The following PARD3B variants were observed in gnomAD, a reference collection of about 807,000 sequenced individuals.
The protein encoded by PARD3B is par-3 family cell polarity regulator beta.
A neutral mutation model predicts 130.2 loss-of-function variants in PARD3B; 103 were observed. The observed-to-expected ratio is 0.79, with a 90% CI of 0.67 to 0.93. The LOEUF (loss-of-function observed/expected upper bound fraction) is 0.93. PARD3B is among the 40% of genes least tolerant of loss of function. The pLI is 0.00. For missense variants in PARD3B, 1,609 were observed against 1,499.2 expected, an observed-to-expected ratio of 1.07 and a Z score of -1.21; for synonymous variants, 583 against 553.2, an observed-to-expected ratio of 1.05 and a Z score of -0.76.
intron 18 of PARD3B, among the ~76,000 whole-genome samples, chr2:205,346,364 C>A (rs1574765045): frequency 6.6e-6 from 1 of 152,058 alleles, no homozygotes; most frequent in Non-Finnish European, 1.5e-5. Flanking sequence ...ACCTTGCCTC[C>A]TTGCCTCCCC....
At chr2:205,368,686 T>C (rs1009328235) in intron 18 of PARD3B, among the ~76,000 whole-genome samples, 3 of 152,090 alleles carry the variant, frequency 2.0e-5, no homozygotes, top group African/African-American at 7.2e-5. Context: ...CAATCCCCTA[T>C]TGGCAGGTAC....
At chr2:204,828,995 C>T (rs1242107980) in intron 2 of PARD3B, among the ~76,000 whole-genome samples, 1 of 152,172 alleles carries the variant, frequency 6.6e-6, no homozygotes, top group Non-Finnish European at 1.5e-5. Flanking sequence ...CTTCAAGGTC[C>T]ATGGTCACCT....
At chr2:205,370,044 C>T (rs1174240399) in intron 18 of PARD3B, among the ~76,000 whole-genome samples, 1 of 152,188 alleles carries the variant, frequency 6.6e-6, no homozygotes, top group Admixed American at 6.5e-5. Flanking sequence ...CTTTTCCTCA[C>T]TTCCCCAAGG....
intron 10 of PARD3B, among the ~76,000 whole-genome samples, chr2:205,156,784 T>C (rs1446128603): frequency 6.6e-6 from 1 of 152,192 alleles, no homozygotes. Flanking sequence ...AGTATATTGT[T>C]TCTGTTGTAT....
At chr2:205,306,048 C>T (rs971153201) in intron 18 of PARD3B, among the ~76,000 whole-genome samples, 2 of 152,102 alleles carry the variant, frequency 1.3e-5, no homozygotes, top group Admixed American at 1.3e-4. Context: ...CACAAGGAGC[C>T]TTAAAGTAAA....
At chr2:204,739,952 A>G (rs1333943942) in intron 2 of PARD3B, among the ~76,000 whole-genome samples, 2 of 149,504 alleles carry the variant, frequency 1.3e-5, no homozygotes, top group Admixed American at 6.6e-5. Flanking sequence ...TTTTTTTTGT[A>G]TTAGTTTCAA....
In PARD3B at chr2:205,206,131, G is replaced by A. The variant is rs961448693; in HGVS notation, c.2140+12811G>A. Among the ~76,000 whole-genome samples, 7 of 150,040 alleles carry A rather than the reference G, an allele frequency of 4.7e-5. No individual in the cohort carries two copies. In the East Asian group the frequency reaches 1.2e-3, roughly 25 times the overall value. On this transcript the variant is annotated intron_variant, in intron 15 of 22. Coordinates refer to ENST00000406610, the MANE Select transcript of PARD3B (RefSeq NM_001302769.2). ...TTACTGCCTCAATTTCATAAAGACA[G>A]ATATGAACTTTTTCTTATCACTTGC...
intron 3 of PARD3B, among the ~76,000 whole-genome samples, chr2:204,988,342 G>C (rs1290070429): frequency 6.6e-6 from 1 of 152,194 alleles, no homozygotes. Flanking sequence ...CAGAGGCTGA[G>C]AAGGTAGTGG....
intron 10 of PARD3B, among the ~76,000 whole-genome samples, chr2:205,134,085 G>T (rs1056357467): frequency 6.6e-6 from 1 of 151,930 alleles, no homozygotes; most frequent in Admixed American, 6.6e-5. Flanking sequence ...ACTATGGTTG[G>T]ACTCAAGTTA....
chr2:204,831,414 A>G (rs1481662029), intron 2 of PARD3B, among the ~76,000 whole-genome samples: 2 of 152,246 alleles, frequency 1.3e-5, no homozygotes, highest in Non-Finnish European at 2.9e-5. Flanking sequence ...ACATGTCTTA[A>G]TTAGAAGCCA....
intron 1 of PARD3B, among the ~76,000 whole-genome samples, chr2:204,659,448 G>A (rs1014791527): frequency 6.6e-6 from 1 of 152,150 alleles, no homozygotes; most frequent in Non-Finnish European, 1.5e-5. Flanking sequence ...CCTGAATGAG[G>A]TGGGCTGAAT....
At chr2:204,826,135 T>C (rs1490112318) in intron 2 of PARD3B, among the ~76,000 whole-genome samples, 1 of 152,214 alleles carries the variant, frequency 6.6e-6, no homozygotes, top group Non-Finnish European at 1.5e-5. Flanking sequence ...AAATTACCTT[T>C]ACAGTCTTAT....
At chr2:205,614,620 C>T (rs960120014) in intron 22 of PARD3B, among the ~76,000 whole-genome samples, 1 of 151,652 alleles carries the variant, frequency 6.6e-6, no homozygotes, top group Non-Finnish European at 1.5e-5. Flanking sequence ...GTGGGAGAAT[C>T]GCTTGAACCC....
In PARD3B at chr2:205,615,557, C is replaced by T; in HGVS notation, c.3362C>T (p.Pro1121Leu). Reference sequence around the variant, plus strand: ...TATCCAGGGGCTCATCCTATGCACCCTCCCAAAGGGAGCTATCCCCGCCCC... The same window carrying T: ...TATCCAGGGGCTCATCCTATGCACCTTCCCAAAGGGAGCTATCCCCGCCCC... ...PYYPGAHPMH[P>L]PKGSYPRPTE... Residue 1121 changes from proline (P) to leucine (L), a missense_variant, in exon 23 of 23, where the codon CCT becomes CTT. By Grantham distance (98) the Pro-to-Leu change is moderately conservative. Coordinates refer to ENST00000406610, the MANE Select transcript of PARD3B (RefSeq NM_001302769.2). 1 of 1,614,178 alleles carries T rather than the reference C, an allele frequency of 6.2e-7. No individual in the cohort carries two copies. Among genetic ancestry groups the T allele is most frequent in the East Asian group, 2.2e-5 (1 of 44,876 alleles).
intron 18 of PARD3B, among the ~76,000 whole-genome samples, chr2:205,370,197 CAGA>C (rs1187872095): frequency 2.0e-5 from 3 of 152,162 alleles, no homozygotes; most frequent in African/African-American, 7.2e-5. Flanking sequence ...TGTTGTTTTC[CAGA>C]AGAACAACTC....
At chr2:204,704,947 A>G (rs1002507264) in intron 2 of PARD3B, among the ~76,000 whole-genome samples, 1 of 152,190 alleles carries the variant, frequency 6.6e-6, no homozygotes, top group Non-Finnish European at 1.5e-5. Context: ...GGAGCGAGGC[A>G]TTATGTAGTA....
chr2:204,996,333 C>T (rs1694168630), intron 3 of PARD3B, among the ~76,000 whole-genome samples: 1 of 151,966 alleles, frequency 6.6e-6, no homozygotes, highest in Non-Finnish European at 1.5e-5. Context: ...TGTTGGAATA[C>T]CCTCCCGTGT....
rs2054332781 is a variant in PARD3B, at chr2:205,590,136, C to T, written c.3261-25320C>T. 6.6e-6 allele frequency among the ~76,000 whole-genome samples: 1 copy of T among 152,168 alleles called. No individual in the cohort carries two copies. Among genetic ancestry groups the T allele is most frequent in the South Asian group, 2.1e-4 (1 of 4,826 alleles). On this transcript the variant is annotated intron_variant, in intron 22 of 22. Transcript: ENST00000406610. The surrounding 1 kb of genome is among the most constrained non-coding windows in gnomAD (Gnocchi z 4.1). ...TAGGTAAACATTATTGTTCTCTCTACATATTATTCCGATGCTTTATTTATC... is the reference window on the plus strand; with the variant it reads ...TAGGTAAACATTATTGTTCTCTCTATATATTATTCCGATGCTTTATTTATC...
At chr2:204,705,642 C>T (rs1429219040) in intron 2 of PARD3B, among the ~76,000 whole-genome samples, 1 of 152,056 alleles carries the variant, frequency 6.6e-6, no homozygotes, top group Non-Finnish European at 1.5e-5. Flanking sequence ...TGTTAAATAT[C>T]ATCTGTCAAG....
Sources: gnomAD v4.1 joint callset for allele counts (sites outside exome capture counted in the v4.1 genomes callset) on GRCh38, gnomAD v4.1.1 for gene constraint, Gnocchi (gnomAD v3.1) non-coding constraint, MANE v1.5 for transcripts, NCBI Gene and HGNC (gene_info 2026-07-23, HGNC 2026-07-21) for gene names.